The following ZNF772 variants were observed in gnomAD, a reference collection of about 807,000 sequenced individuals.
The protein encoded by ZNF772 is zinc finger protein 772.
Under a neutral mutation model 11.0 loss-of-function variants are expected in ZNF772, and 8 were observed. The ratio of observed to expected loss-of-function variants is 0.73; its 90% CI spans 0.43 to 1.31. ZNF772 has a LOEUF of 1.31. ZNF772 is among the 50% of genes most tolerant of loss of function. The pLI, the probability that ZNF772 is intolerant of heterozygous loss-of-function variation, is 0.01. For synonymous variants in ZNF772, 155 were observed against 180.4 expected (o/e 0.86, Z 1.13); for missense variants, 496 against 552.3 (o/e 0.90, Z 1.02).
rs984672220 is a variant in ZNF772, at chr19:57,473,121, A to G, written c.*153T>C. ...TCAGCATAGCTCCAGAAGGCTTCCCATATAGCTGGCACTCGGAAGAACCTC... is the reference window on the plus strand; with the variant it reads ...TCAGCATAGCTCCAGAAGGCTTCCCGTATAGCTGGCACTCGGAAGAACCTC... On this transcript the variant is annotated 3_prime_UTR_variant, in exon 4 of 4. Transcript: ENST00000356584. The G allele has an allele frequency of 2.7e-6, 2 of 732,830 alleles. No homozygotes were observed. The highest frequency in any genetic ancestry group is 4.3e-6 in the Non-Finnish European group (2 of 462,450). The allele number at this position is 732,830 out of a possible 1,614,324, so 45.4% of individuals were successfully genotyped here. A position where few individuals can be genotyped will look rare whatever the true frequency, so the allele number is the denominator to read the frequency against.
rs2089298561 is a variant in ZNF772 at position 57,477,481 on chromosome 19, G to C, written c.-172C>G. The stretch of plus-strand genomic sequence containing the variant: ...CGTTTTCCCTTTTCTGTCACCTCAG[G>C]TCTGACATTGCGTTCTGGAAACTAA... On this transcript the variant is annotated 5_prime_UTR_variant, in exon 1 of 4. Transcript: ENST00000356584. 3.3e-6 allele frequency: 2 copies of C among 611,758 alleles called. No homozygotes were observed. Among genetic ancestry groups the C allele is most frequent in the African/African-American group, 3.8e-5 (2 of 52,598 alleles). 37.9% of individuals were successfully genotyped at this position (611,758 alleles called of 1,614,324 possible). A position where few individuals can be genotyped will look rare whatever the true frequency, so the allele number is the denominator to read the frequency against.
rs2089298413 is a variant in ZNF772, at chr19:57,477,464, C to G, written c.-155G>C. 9 of 717,136 alleles carry G rather than the reference C, an allele frequency of 1.3e-5. No homozygotes were observed. Among genetic ancestry groups the G allele is most frequent in the Non-Finnish European group, 2.1e-5 (9 of 438,284 alleles). The allele number at this position is 717,136 out of a possible 1,614,324, so 44.4% of individuals were successfully genotyped here. A position where few individuals can be genotyped will look rare whatever the true frequency, so the allele number is the denominator to read the frequency against. On this transcript the variant is annotated 5_prime_UTR_variant, in exon 1 of 4. Coordinates refer to ENST00000356584, the MANE Select transcript of ZNF772 (RefSeq NM_001144068.2). ...AAGAAGACACTCTCTCACGTTTTCC[C>G]TTTTCTGTCACCTCAGGTCTGACAT...
Position 57,477,283 on chromosome 19 carries a change from C to T in ZNF772, c.27G>A (p.Pro9=), listed in dbSNP as rs374208963. Reference sequence around the variant, plus strand: ...TCGCAGACGCAGCACCCACCTGTGCCGGGCCCATCGGCTCAGCCGCCGCCA... The same window carrying T: ...TCGCAGACGCAGCACCCACCTGTGCTGGGCCCATCGGCTCAGCCGCCGCCA... MAAAEPMG[P]AQVPMNSEVI... is the part of the protein sequence containing the mutation. Residue 9 remains proline (P), a synonymous_variant, in exon 1 of 4, where the codon CCG becomes CCA. Transcript: ENST00000356584. 4 of 1,606,144 alleles carry T rather than the reference C, an allele frequency of 2.5e-6. No individual in the cohort carries two copies. The highest frequency in any genetic ancestry group is 3.4e-6 in the Non-Finnish European group (4 of 1,177,996).
Position 57,475,876 on chromosome 19 carries a change from T to C in ZNF772, c.73-90A>G, listed in dbSNP as rs1600121082. 1.1e-5 allele frequency: 17 copies of C among 1,500,716 alleles called. No individual in the cohort carries two copies. The East Asian group carries it at 3.9e-4, about 35-fold the overall frequency. The allele number at this position is 1,500,716 out of a possible 1,614,324, so 93.0% of individuals were successfully genotyped here. Reference sequence around the variant, plus strand: ...CCACACATCTCCCTCCTGTACACCCTCCTACCTAACTCCTCAACTCAGGAA... The same window carrying C: ...CCACACATCTCCCTCCTGTACACCCCCCTACCTAACTCCTCAACTCAGGAA... On this transcript the variant is annotated intron_variant, in intron 2 of 3. Transcript: ENST00000356584. This position sits in a 1 kb window ranked among gnomAD's most constrained non-coding sequence, Gnocchi z 4.2.
rs929737292 is a variant in ZNF772 at position 57,473,209 on chromosome 19, A to G, written c.*65T>C. Reference sequence around the variant, plus strand: ...TGGCTGTCGGCTACACATAAAGGCTATGCTTGGAGCTTCTCTCTGATGTCA... The same window carrying G: ...TGGCTGTCGGCTACACATAAAGGCTGTGCTTGGAGCTTCTCTCTGATGTCA... On this transcript the variant is annotated 3_prime_UTR_variant, in exon 4 of 4. Coordinates refer to ENST00000356584, the MANE Select transcript of ZNF772 (RefSeq NM_001144068.2). The G allele has an allele frequency of 6.7e-7, 1 of 1,495,468 alleles. No individual in the cohort carries two copies. The highest frequency in any genetic ancestry group is 1.4e-5 in the African/African-American group (1 of 71,784). 92.6% of individuals were successfully genotyped at this position (1,495,468 alleles called of 1,614,324 possible). A position where few individuals can be genotyped will look rare whatever the true frequency, so the allele number is the denominator to read the frequency against.
At position 57,475,035 on chromosome 19, in the gene ZNF772, C is replaced by T. The variant is rs149566447; in HGVS notation, c.200-614G>A. The T allele has an allele frequency of 3.5e-5, 56 of 1,614,068 alleles. No homozygotes were observed. The Middle Eastern group carries it at 8.2e-4, about 24-fold the overall frequency. The stretch of plus-strand genomic sequence containing the variant: ...CAGCTCCTACTCACCAGGGTCACTC[C>T]CACCTGGAGTCTCTGTGGCAACAGC... On this transcript the variant is annotated intron_variant, in intron 3 of 3. Coordinates refer to ENST00000356584, the MANE Select transcript of ZNF772 (RefSeq NM_001144068.2). This position sits in a 1 kb window ranked among gnomAD's most constrained non-coding sequence, Gnocchi z 4.2.
chr19:57,477,179 C>G, intron 1 of ZNF772, 98 bp downstream of exon 1: 1 of 1,543,688 alleles, frequency 6.5e-7, no homozygotes, highest in South Asian at 1.2e-5. Flanking sequence ...GTTCTAGATA[C>G]AGGGGCCTGA....
chr19:57,476,306 G>C, intron 2 of ZNF772: 1 of 379,412 alleles, frequency 2.6e-6, no homozygotes, highest in Non-Finnish European at 4.8e-6. Context: ...GATGATTCCC[G>C]CCCCCTTGCT....
chr19:57,474,916 G>C (rs1462722223), intron 3 of ZNF772: 1 of 1,502,642 alleles, frequency 6.7e-7, no homozygotes, highest in Non-Finnish European at 9.1e-7. Flanking sequence ...AAAGGCCAGA[G>C]TATGAAAGGC....
rs1422574384 is a variant in ZNF772, at chr19:57,471,437, A to T, written c.*1837T>A. ...ATTACAGAAATGCAAGGTTGGCTTA[A>T]CATTTAAAAAAATCAGTCAATGTAA... On this transcript the variant is annotated 3_prime_UTR_variant, in exon 4 of 4. Transcript: ENST00000356584. 2.6e-5 allele frequency: 4 copies of T among 152,250 alleles called. No individual in the cohort carries two copies. Among genetic ancestry groups the T allele is most frequent in the African/African-American group, 9.6e-5 (4 of 41,462 alleles). The allele number at this position is 152,250 out of a possible 1,614,324, so 9.4% of individuals were successfully genotyped here.
chr19:57,476,576 C>T, intron 2 of ZNF772, 58 bp downstream of exon 2: 1 of 1,578,940 alleles, frequency 6.3e-7, no homozygotes, highest in Non-Finnish European at 8.7e-7. Context: ...CACCACAATG[C>T]TGGAGAGCGT....
rs1242768136 is a variant in ZNF772, at chr19:57,469,850, A to G, written c.*3424T>C. The G allele has an allele frequency of 6.6e-6, 1 of 152,236 alleles. No homozygotes were observed. The highest frequency in any genetic ancestry group is 2.4e-5 in the African/African-American group (1 of 41,470). The allele number at this position is 152,236 out of a possible 1,614,324, so 9.4% of individuals were successfully genotyped here. A position where few individuals can be genotyped will look rare whatever the true frequency, so the allele number is the denominator to read the frequency against. ...AGTACAGTATACATTTCAAGTGAAC[A>G]TGTAACTCATACCAAGATAGCCCAT... On this transcript the variant is annotated 3_prime_UTR_variant, in exon 4 of 4. Coordinates refer to ENST00000356584, the MANE Select transcript of ZNF772 (RefSeq NM_001144068.2).
rs1459835128 is a variant in ZNF772 at position 57,477,356 on chromosome 19, G to T, written c.-47C>A. The stretch of plus-strand genomic sequence containing the variant: ...GGTGGCGACAAGTGCAGGAACCTGG[G>T]ATCAGCTGTCCAGGGCCCAGCCCAG... On this transcript the variant is annotated 5_prime_UTR_variant, in exon 1 of 4. Transcript: ENST00000356584. The T allele has an allele frequency of 6.2e-7, 1 of 1,610,890 alleles. No homozygotes were observed. Among genetic ancestry groups the T allele is most frequent in the Non-Finnish European group, 8.5e-7 (1 of 1,178,462 alleles).
intron 1 of ZNF772, 25 bp from the exon 2 acceptor site, chr19:57,476,697 G>C (rs191198347): frequency 1.3e-6 from 2 of 1,566,246 alleles, no homozygotes; most frequent in East Asian, 4.5e-5. Context: ...GAGACTATGC[G>C]AGTCAAGCAA....
At position 57,473,579 on chromosome 19, in the gene ZNF772, G is replaced by C. The variant is rs1341842700; in HGVS notation, c.1042C>G (p.His348Asp). The C allele has an allele frequency of 6.2e-7, 1 of 1,613,156 alleles. No homozygotes were observed. The highest frequency in any genetic ancestry group is 8.5e-7 in the Non-Finnish European group (1 of 1,179,216). Residue 348 changes from histidine to aspartate, a missense_variant, in exon 4 of 4, where the codon CAC (histidine) becomes GAC (aspartate). Coordinates refer to ENST00000356584, the MANE Select transcript of ZNF772 (RefSeq NM_001144068.2). Reference protein sequence around the residue: ...ECSECGKYFGHKYRLIKHWSV... With the variant: ...ECSECGKYFGDKYRLIKHWSV... ...CAATGTTTAATGAGTCTGTATTTGT[G>C]ACCAAAGTATTTTCCACATTCGCTG... is the stretch of plus-strand genomic sequence containing the variant.
Position 57,471,152 on chromosome 19 carries a change from C to T in ZNF772, c.*2122G>A, listed in dbSNP as rs2123141240. On this transcript the variant is annotated 3_prime_UTR_variant, in exon 4 of 4. Transcript: ENST00000356584. ...TAATACCAATTATTCACAAACTCTT[C>T]CAGAGAGCTGAAGAGCAGGAATACT... is the stretch of plus-strand genomic sequence containing the variant. 6.6e-6 allele frequency: 1 copy of T among 152,256 alleles called. No homozygotes were observed. Among genetic ancestry groups the T allele is most frequent in the Non-Finnish European group, 1.5e-5 (1 of 68,030 alleles). The allele number at this position is 152,256 out of a possible 1,614,324, so 9.4% of individuals were successfully genotyped here.
chr19:57,475,295 G>T lies in ZNF772; in HGVS notation c.199+365C>A. 2 of 1,031,284 alleles carry T rather than the reference G, an allele frequency of 1.9e-6. No individual in the cohort carries two copies. The highest frequency in any genetic ancestry group is 1.6e-5 in the South Asian group (1 of 61,716). The allele number at this position is 1,031,284 out of a possible 1,614,324, so 63.9% of individuals were successfully genotyped here. A position where few individuals can be genotyped will look rare whatever the true frequency, so the allele number is the denominator to read the frequency against. On this transcript the variant is annotated intron_variant, in intron 3 of 3. Coordinates refer to ENST00000356584, the MANE Select transcript of ZNF772 (RefSeq NM_001144068.2). This position sits in a 1 kb window ranked among gnomAD's most constrained non-coding sequence, Gnocchi z 4.2. ...ATGGTCCCTACAATTCCTGACATAG[G>T]CAGGCCACAGGAAATGTCAGCTAAA...
chr19:57,476,814 T>A (rs1356819430), intron 1 of ZNF772, 142 bp from the exon 2 acceptor site: 3 of 733,812 alleles, frequency 4.1e-6, no homozygotes, highest in Non-Finnish European at 6.6e-6. Context: ...CAAGGATACC[T>A]CTTAACTGTG....
rs2089212411 is a variant in ZNF772, at chr19:57,471,374, A to G, written c.*1900T>C. On this transcript the variant is annotated 3_prime_UTR_variant, in exon 4 of 4. Transcript: ENST00000356584. ...AAAATAGCAAATCAAATTCAACAAT[A>G]TACTAAATGACTAATACATCATGAC... The G allele has an allele frequency of 6.6e-6, 1 of 152,264 alleles. No homozygotes were observed. Among genetic ancestry groups the G allele is most frequent in the South Asian group, 2.1e-4 (1 of 4,836 alleles). 9.4% of individuals were successfully genotyped at this position (152,264 alleles called of 1,614,324 possible).
Sources: gnomAD v4.1 joint callset for allele counts on GRCh38, gnomAD v4.1.1 for gene constraint, Gnocchi (gnomAD v3.1) non-coding constraint, MANE v1.5 for transcripts, NCBI Gene and HGNC (gene_info 2026-07-23, HGNC 2026-07-21) for gene names.